Variants in EMG1 observed in about 807,000 individuals in gnomAD.
EMG1 encodes ribosomal RNA small subunit methyltransferase NEP1.
EMG1 carries 24 observed loss-of-function variants against 26.9 expected under a neutral mutation model. That is an observed-to-expected ratio of 0.89 (90% confidence interval 0.65 to 1.26). The LOEUF (loss-of-function observed/expected upper bound fraction) is 1.26, where lower values mean the gene tolerates loss of function less well. Among genes scored for constraint, EMG1 ranks in the 50% most tolerant of loss-of-function variants. The pLI, the probability that EMG1 is intolerant of heterozygous loss-of-function variation, is 0.00. For synonymous variants in EMG1, 140 were observed against 112.6 expected, an observed-to-expected ratio of 1.24 and a Z score of -1.54; for missense variants, 299 against 307.6, an observed-to-expected ratio of 0.97 and a Z score of 0.21.
intron 7 of EMG1, among the ~76,000 whole-genome samples, chr12:6,996,402 G>A (rs1343587845): frequency 2.6e-5 from 4 of 152,010 alleles, no homozygotes; most frequent in African/African-American, 9.7e-5. Flanking sequence ...CACACTTCTT[G>A]TTCTTCTTTC....
chr12:6,974,807 G>A, intron 3 of EMG1, 114 bp downstream of exon 3: 2 of 1,120,422 alleles, frequency 1.8e-6, no homozygotes, highest in South Asian at 1.3e-5. Flanking sequence ...AGAACAACAT[G>A]ATTAATACCA....
chr12:6,996,093 G>A (rs781848640), intron 7 of EMG1, among the ~76,000 whole-genome samples: 6 of 152,192 alleles, frequency 3.9e-5, no homozygotes, highest in South Asian at 2.1e-4. Context: ...GCCAGCACCC[G>A]CAGGTTCTGT....
At chr12:6,982,945 A>C, downstream of EMG1, 1 of 664,204 alleles carries the variant, frequency 1.5e-6, no homozygotes, top group East Asian at 2.8e-5. Flanking sequence ...TTATTAAAAT[A>C]AAAAAGATTA....
chr12:6,989,244 C>T (rs1946563281), downstream of EMG1, among the ~76,000 whole-genome samples: 1 of 151,750 alleles, frequency 6.6e-6, no homozygotes, highest in Non-Finnish European at 1.5e-5. Context: ...TAGTACACTC[C>T]AAACCTGAGG....
At chr12:6,980,476 C>T (rs1036466643), downstream of EMG1, among the ~76,000 whole-genome samples, 2 of 152,100 alleles carry the variant, frequency 1.3e-5, no homozygotes, top group African/African-American at 4.8e-5. Context: ...CCACTTCAGC[C>T]TCCTATGTAG....
At chr12:6,996,811 A>G (rs1555156069) in intron 7 of EMG1, among the ~76,000 whole-genome samples, 1 of 152,202 alleles carries the variant, frequency 6.6e-6, no homozygotes, top group African/African-American at 2.4e-5. Context: ...TCTCGACCAC[A>G]GTGGTCGGGA....
downstream of EMG1, chr12:6,981,150 G>A (rs1456820249): frequency 2.5e-6 from 4 of 1,612,660 alleles, no homozygotes; most frequent in African/African-American, 5.3e-5. Context: ...CACCACGTAT[G>A]GCATATTTCT....
intron 3 of EMG1, 47 bp from the exon 4 acceptor site, chr12:6,975,043 G>C: frequency 6.3e-7 from 1 of 1,578,058 alleles, no homozygotes; most frequent in South Asian, 1.1e-5. Context: ...CTGGACAGAA[G>C]GACTGTGGTC....
rs1946314859 is a variant in EMG1, at chr12:6,970,918, T to A, written c.-6T>A. The A allele has an allele frequency of 6.2e-7, 1 of 1,611,622 alleles. No individual in the cohort carries two copies. Among genetic ancestry groups the A allele is most frequent in the South Asian group, 1.1e-5 (1 of 90,618 alleles). On this transcript the variant is annotated 5_prime_UTR_variant, in exon 1 of 6. Coordinates refer to ENST00000599672, the MANE Select transcript of EMG1 (RefSeq NM_006331.8). Reference sequence around the variant, plus strand: ...GCGTTAGCGCAACTTCCGGTATTGTTGCAAGATGGCCGCGCCCAGTGATGG... The same window carrying A: ...GCGTTAGCGCAACTTCCGGTATTGTAGCAAGATGGCCGCGCCCAGTGATGG...
chr12:6,974,386 A>G lies in EMG1; in HGVS notation c.216A>G (p.Ile72Met), dbSNP rs782521916. The G allele has an allele frequency of 9.3e-6, 15 of 1,613,850 alleles. No homozygotes were observed. The highest frequency in any genetic ancestry group is 3.3e-5 in the Admixed American group (2 of 59,988). ...ELLNCDKHKS[I>M]LLKNGRDPGE... Reference sequence around the variant, plus strand: ...TCAACTGTGACAAGCACAAGTCTATATTGTTGAAGAATGGACGGGACCCTG... The same window carrying G: ...TCAACTGTGACAAGCACAAGTCTATGTTGTTGAAGAATGGACGGGACCCTG... The change falls in exon 2 of 6, where the codon ATA becomes ATG. Residue 72 changes from isoleucine (I) to methionine (M), a missense_variant. Transcript: ENST00000599672.
downstream of EMG1, chr12:6,983,583 G>A: frequency 7.8e-7 from 1 of 1,282,750 alleles, no homozygotes; most frequent in Non-Finnish European, 1.1e-6. Flanking sequence ...TGTGCCTGGT[G>A]CCATCCCAGT....
rs782134436 is a variant in EMG1, at chr12:6,975,166, G to A, written c.471+18G>A. ...TTTTGAAGGTGAGGTATTGAAACCT[G>A]TTAGTTGAAGGCTGGTTCTGGGAAT... On this transcript the variant is annotated intron_variant, in intron 4 of 5. Coordinates refer to ENST00000599672, the MANE Select transcript of EMG1 (RefSeq NM_006331.8). The A allele has an allele frequency of 1.2e-6, 2 of 1,613,896 alleles. No individual in the cohort carries two copies. The highest frequency in any genetic ancestry group is 2.7e-5 in the African/African-American group (2 of 74,938).
chr12:6,975,409 G>A (rs1555153013), intron 5 of EMG1, 31 bp downstream of exon 5: 3 of 1,560,654 alleles, frequency 1.9e-6, no homozygotes, highest in Non-Finnish European at 1.7e-6. Context: ...TGAAATTCTT[G>A]GTAGAGCTGA....
chr12:6,975,337 G>T lies in EMG1; in HGVS notation c.580G>T (p.Asp194Tyr). 1 of 1,607,164 alleles carries T rather than the reference G, an allele frequency of 6.2e-7. No homozygotes were observed. Among genetic ancestry groups the T allele is most frequent in the South Asian group, 1.1e-5 (1 of 90,044 alleles). ...SDVRELVPSS[D>Y]PIVFVVGAFA... ...TGTGCGTGAGCTGGTGCCCAGCAGT[G>T]ATCCTATTGTTTTTGTGGTAGGGGC... is the stretch of plus-strand genomic sequence containing the variant. Residue 194 changes from aspartate (D) to tyrosine (Y), a missense_variant, in exon 5 of 6, where the codon GAT (aspartate) becomes TAT (tyrosine). Coordinates refer to ENST00000599672, the MANE Select transcript of EMG1 (RefSeq NM_006331.8).
In EMG1 at chr12:6,976,025, T is replaced by G. The variant is rs1946395891; in HGVS notation, c.*216T>G. The G allele has an allele frequency of 8.2e-6, 4 of 489,726 alleles. No individual in the cohort carries two copies. In the South Asian group the frequency reaches 1.2e-4, roughly 15 times the overall value. 30.3% of individuals were successfully genotyped at this position (489,726 alleles called of 1,614,324 possible). ...AAGTATCCAGTGGTGTAAAACTGTTTGTTCCCCGGGACTTCAGGGACAGAT... is the reference window on the plus strand; with the variant it reads ...AAGTATCCAGTGGTGTAAAACTGTTGGTTCCCCGGGACTTCAGGGACAGAT... On this transcript the variant is annotated 3_prime_UTR_variant, in exon 6 of 6. Transcript: ENST00000599672.
At chr12:6,983,846 A>G (rs1946496468), downstream of EMG1, among the ~76,000 whole-genome samples, 3 of 152,224 alleles carry the variant, frequency 2.0e-5, no homozygotes, top group Admixed American at 2.0e-4. Flanking sequence ...TGAATTTTAA[A>G]AAATGATACA....
chr12:6,977,607 C>T lies in EMG1; in HGVS notation c.*1798C>T, dbSNP rs782264457. 2 of 1,614,182 alleles carry T rather than the reference C, an allele frequency of 1.2e-6. No individual in the cohort carries two copies. The highest frequency in any genetic ancestry group is 2.2e-5 in the East Asian group (1 of 44,880). On this transcript the variant is annotated 3_prime_UTR_variant, in exon 6 of 6. Transcript: ENST00000599672. The surrounding 1 kb of genome is among the most constrained non-coding windows in gnomAD (Gnocchi z 4.5). Reference sequence around the variant, plus strand: ...CACCCTGGAGGCCTACCTGTCTTTCCACAATAACAATGAGGAATTCCATCT... The same window carrying T: ...CACCCTGGAGGCCTACCTGTCTTTCTACAATAACAATGAGGAATTCCATCT...
At chr12:6,981,100 T>G, downstream of EMG1, 1 of 1,613,954 alleles carries the variant, frequency 6.2e-7, no homozygotes. Context: ...GAAGGCCCCA[T>G]AGAAGTAGGA....
chr12:6,975,225 T>A lies in EMG1; in HGVS notation c.472-4T>A, dbSNP rs782598532. ...GGCTGACTTTTCTCTCTTTTTTACT[T>A]TAGGTAATTAAGAATCCAGTATCAG... is the stretch of plus-strand genomic sequence containing the variant. On this transcript the variant is annotated splice_polypyrimidine_tract_variant and splice_region_variant and intron_variant, in intron 4 of 5. Transcript: ENST00000599672. 6.2e-7 allele frequency: 1 copy of A among 1,613,978 alleles called. No individual in the cohort carries two copies. Among genetic ancestry groups the A allele is most frequent in the East Asian group, 2.2e-5 (1 of 44,880 alleles).
Sources: allele counts gnomAD v4.1 joint callset (sites outside exome capture counted in the v4.1 genomes callset), GRCh38; gene constraint gnomAD v4.1.1; non-coding constraint Gnocchi (gnomAD v3.1); transcripts MANE v1.5; gene names NCBI Gene and HGNC (gene_info 2026-07-23, HGNC 2026-07-21).